Variants in PTGES3 observed in about 807,000 individuals in gnomAD.
PTGES3 encodes prostaglandin E synthase 3, also known as Hsp90 co-chaperone.
PTGES3 carries 5 observed loss-of-function variants against 29.9 expected under a neutral mutation model. The observed-to-expected ratio is 0.17, with a 90% CI of 0.09 to 0.35. The LOEUF (loss-of-function observed/expected upper bound fraction) is 0.35, where lower values mean the gene tolerates loss of function less well. Among genes scored for constraint, PTGES3 ranks in the 10% least tolerant of loss-of-function variants. The pLI, the probability that PTGES3 is intolerant of heterozygous loss-of-function variation, is 1.00. For synonymous variants in PTGES3, 49 were observed against 57.8 expected, an observed-to-expected ratio of 0.85 and a Z score of 0.69; for missense variants, 128 against 190.0, an observed-to-expected ratio of 0.67 and a Z score of 1.92.
rs913537504 is a variant in PTGES3 at position 56,688,010 on chromosome 12, G to C, written c.-11C>G. On this transcript the variant is annotated 5_prime_UTR_variant, in exon 1 of 8. Coordinates refer to ENST00000262033, the MANE Select transcript of PTGES3 (RefSeq NM_006601.7). The stretch of plus-strand genomic sequence containing the variant: ...GTGTCGCACTCACATTGTGAACGGG[G>C]CAGGGGGACGGGCGAACTGGTGGGC... 5 of 1,550,740 alleles carry C rather than the reference G, an allele frequency of 3.2e-6. No homozygotes were observed. The Admixed American group carries it at 9.7e-5, about 30-fold the overall frequency.
rs377350637 is a variant in PTGES3, at chr12:56,688,011, C to T, written c.-12G>A. ...TGTCGCACTCACATTGTGAACGGGG[C>T]AGGGGGACGGGCGAACTGGTGGGCG... On this transcript the variant is annotated 5_prime_UTR_variant, in exon 1 of 8. Transcript: ENST00000262033. The T allele has an allele frequency of 3.2e-6, 5 of 1,549,968 alleles. No homozygotes were observed. In the African/African-American group the frequency reaches 7.1e-5, roughly 22 times the overall value.
chr12:56,680,382 CTTTCTT>C (rs1952474784), intron 1 of PTGES3, among the ~76,000 whole-genome samples: 2 of 147,700 alleles, frequency 1.4e-5, no homozygotes, highest in South Asian at 2.1e-4. Context: ...ACCCAATTTT[CTTTCTT>C]TTTTTTTTTT....
At chr12:56,686,768 T>C (rs1254987446) in intron 1 of PTGES3, 2 of 397,658 alleles carry the variant, frequency 5.0e-6, no homozygotes, top group Non-Finnish European at 4.4e-6. Context: ...AGAAGCTTGT[T>C]CCCAGTGATA....
chr12:56,677,576 G>T (rs1321135896), intron 1 of PTGES3, among the ~76,000 whole-genome samples: 3 of 152,012 alleles, frequency 2.0e-5, no homozygotes, highest in Non-Finnish European at 4.4e-5. Context: ...ACCTATCAAT[G>T]GAATGTGTAT....
chr12:56,671,721 CTT>C (rs756722764), intron 4 of PTGES3, 26 bp downstream of exon 4: 3 of 1,401,350 alleles, frequency 2.1e-6, no homozygotes, highest in Admixed American at 4.9e-5. Flanking sequence ...AAATATCAAA[CTT>C]TTCAAAAAAG....
chr12:56,680,505 C>A (rs562093195), intron 1 of PTGES3, among the ~76,000 whole-genome samples: 9 of 152,196 alleles, frequency 5.9e-5, no homozygotes, highest in African/African-American at 1.9e-4. Flanking sequence ...CCTGCCTCAG[C>A]CTCCCAAGTA....
chr12:56,683,416 T>C (rs1565877646), intron 1 of PTGES3, among the ~76,000 whole-genome samples: 1 of 126,716 alleles, frequency 7.9e-6, no homozygotes, highest in South Asian at 2.6e-4. Context: ...GAGGTTGCGG[T>C]GAGCCGAGAC....
At chr12:56,682,400 A>G (rs1952582823) in intron 1 of PTGES3, among the ~76,000 whole-genome samples, 1 of 151,894 alleles carries the variant, frequency 6.6e-6, no homozygotes, top group Admixed American at 6.6e-5. Flanking sequence ...CCCCGTCTCT[A>G]AAAAAAATTA....
chr12:56,684,329 G>A (rs1456572646), intron 1 of PTGES3, among the ~76,000 whole-genome samples: 1 of 152,106 alleles, frequency 6.6e-6, no homozygotes, highest in Non-Finnish European at 1.5e-5. Context: ...TCTAGTTAAA[G>A]TCTAACTGAA....
chr12:56,681,537 CAAAAAAAAAAAA>C (rs34581651), intron 1 of PTGES3, among the ~76,000 whole-genome samples: 6 of 25,690 alleles, frequency 2.3e-4, no homozygotes, highest in African/African-American at 6.5e-4. Flanking sequence ...GACTCCATCT[CAAAAAAAAAAAA>C]AAAAAAAAAA....
intron 1 of PTGES3, 177 bp downstream of exon 1, chr12:56,687,821 G>A (rs1156559119): frequency 6.9e-6 from 10 of 1,449,000 alleles, no homozygotes; most frequent in East Asian, 2.7e-5. Context: ...ACATCTGGAG[G>A]AAAAATGTCC....
At position 56,688,044 on chromosome 12, in the gene PTGES3, C is replaced by T. The variant is rs771345464; in HGVS notation, c.-45G>A. 4 of 1,501,842 alleles carry T rather than the reference C, an allele frequency of 2.7e-6. No homozygotes were observed. The African/African-American group carries it at 4.4e-5, about 16-fold the overall frequency. The allele number at this position is 1,501,842 out of a possible 1,614,324, so 93.0% of individuals were successfully genotyped here. On this transcript the variant is annotated 5_prime_UTR_variant, in exon 1 of 8. Coordinates refer to ENST00000262033, the MANE Select transcript of PTGES3 (RefSeq NM_006601.7). ...CGGGCGAACTGGTGGGCGGGCCTCTCTGGCGGCGGCTGCTGCTAGGGAGTC... is the reference window on the plus strand; with the variant it reads ...CGGGCGAACTGGTGGGCGGGCCTCTTTGGCGGCGGCTGCTGCTAGGGAGTC...
chr12:56,680,325 T>G (rs975975294), intron 1 of PTGES3, among the ~76,000 whole-genome samples: 4 of 151,798 alleles, frequency 2.6e-5, no homozygotes, highest in African/African-American at 9.7e-5. Context: ...TCTGCCCACC[T>G]CAGTCCCCCA....
In PTGES3 at chr12:56,664,470, C is replaced by A. The variant is rs777218366; in HGVS notation, c.*9G>T. The stretch of plus-strand genomic sequence containing the variant: ...TTCTTTCTCAAAATCCAGGTGATGA[C>A]AATATTCCTTACTCCAGATCTGGCA... On this transcript the variant is annotated 3_prime_UTR_variant, in exon 8 of 8. Coordinates refer to ENST00000262033, the MANE Select transcript of PTGES3 (RefSeq NM_006601.7). 34 of 1,603,872 alleles carry A rather than the reference C, an allele frequency of 2.1e-5. No individual in the cohort carries two copies. The South Asian group carries it at 3.8e-4, about 18-fold the overall frequency.
chr12:56,683,635 G>A (rs138958973), intron 1 of PTGES3, among the ~76,000 whole-genome samples: 6,042 of 151,170 alleles, frequency 0.04, 386 homozygotes, highest in African/African-American at 0.14. Flanking sequence ...GGGCGACAGA[G>A]CCAGACTCCA....
intron 1 of PTGES3, among the ~76,000 whole-genome samples, chr12:56,680,357 G>C (rs571278779): frequency 1.3e-5 from 2 of 151,674 alleles, no homozygotes; most frequent in African/African-American, 4.8e-5. Context: ...TTATAGGTGT[G>C]AGTCACTGCA....
At chr12:56,686,840 A>G (rs1952886793) in intron 1 of PTGES3, 1 of 398,030 alleles carries the variant, frequency 2.5e-6, no homozygotes, top group African/African-American at 2.1e-5. Flanking sequence ...CCTCAGTATC[A>G]TGACTTGAAT....
chr12:56,688,071 A>G lies in PTGES3; in HGVS notation c.-72T>C. On this transcript the variant is annotated 5_prime_UTR_variant, in exon 1 of 8. Coordinates refer to ENST00000262033, the MANE Select transcript of PTGES3 (RefSeq NM_006601.7). ...GGCGGCGGCTGCTGCTAGGGAGTCG[A>G]CTTCTCTCCGGTGGCGACTCCGCTT... 6.9e-7 allele frequency: 1 copy of G among 1,442,338 alleles called. No homozygotes were observed. Among genetic ancestry groups the G allele is most frequent in the African/African-American group, 1.5e-5 (1 of 67,150 alleles). 89.3% of individuals were successfully genotyped at this position (1,442,338 alleles called of 1,614,324 possible). A position where few individuals can be genotyped will look rare whatever the true frequency, so the allele number is the denominator to read the frequency against.
chr12:56,678,338 T>C (rs868173703), intron 1 of PTGES3, among the ~76,000 whole-genome samples: 1 of 152,002 alleles, frequency 6.6e-6, no homozygotes, highest in African/African-American at 2.4e-5. Flanking sequence ...CCACCAAGCC[T>C]GGCTAATTTT....
Sources: gnomAD v4.1 joint callset for allele counts (sites outside exome capture counted in the v4.1 genomes callset) on GRCh38, gnomAD v4.1.1 for gene constraint, MANE v1.5 for transcripts, NCBI Gene and HGNC (gene_info 2026-07-23, HGNC 2026-07-21) for gene names.